The following ALK variants were observed in gnomAD, a reference collection of about 807,000 sequenced individuals.
The protein encoded by ALK is ALK receptor tyrosine kinase.
ALK carries 74 observed loss-of-function variants against 163.1 expected under a neutral mutation model. The ratio of observed to expected loss-of-function variants is 0.45; its 90% CI spans 0.38 to 0.55. The LOEUF (loss-of-function observed/expected upper bound fraction) is 0.55, where lower values mean the gene tolerates loss of function less well. ALK is among the 20% of genes least tolerant of loss of function. The pLI is 0.00. For synonymous variants in ALK, 960 were observed against 843.2 expected, an observed-to-expected ratio of 1.14 and a Z score of -2.40; for missense variants, 2,063 against 2,105.3, an observed-to-expected ratio of 0.98 and a Z score of 0.39.
intron 4 of ALK, among the ~76,000 whole-genome samples, chr2:29,409,416 T>C (rs979887922): frequency 7.9e-5 from 12 of 152,192 alleles, no homozygotes; most frequent in African/African-American, 2.9e-4. Context: ...GCTCCTGCTC[T>C]GGTCAGGCTC....
chr2:29,767,424 G>T (rs1451566567), intron 1 of ALK, among the ~76,000 whole-genome samples: 2 of 152,146 alleles, frequency 1.3e-5, no homozygotes, highest in Non-Finnish European at 2.9e-5. Flanking sequence ...TTTTAAAAAT[G>T]AAAAATCTCA....
chr2:29,237,260 A>C (rs775481107), intron 13 of ALK, among the ~76,000 whole-genome samples: 3 of 151,998 alleles, frequency 2.0e-5, no homozygotes, highest in Non-Finnish European at 4.4e-5. Context: ...CATTGTCTTG[A>C]CCCTTCCCTT....
At chr2:29,697,816 A>T (rs1451602950) in intron 2 of ALK, among the ~76,000 whole-genome samples, 1 of 152,178 alleles carries the variant, frequency 6.6e-6, no homozygotes, top group African/African-American at 2.4e-5. Flanking sequence ...AATCTCCAAG[A>T]CAATTCTGGT....
chr2:29,379,123 C>A (rs1175770917), intron 5 of ALK, among the ~76,000 whole-genome samples: 2 of 152,178 alleles, frequency 1.3e-5, no homozygotes, highest in African/African-American at 4.8e-5. Flanking sequence ...CCTGCGTGAT[C>A]CTATTGCTCT....
intron 23 of ALK, among the ~76,000 whole-genome samples, chr2:29,220,237 G>C (rs143393846): frequency 6.6e-6 from 1 of 152,092 alleles, no homozygotes; most frequent in African/African-American, 2.4e-5. Context: ...TAGTGAGTGA[G>C]TTCTCATGAG....
intron 3 of ALK, among the ~76,000 whole-genome samples, chr2:29,582,044 C>T (rs1012754521): frequency 6.6e-6 from 1 of 152,170 alleles, no homozygotes; most frequent in Non-Finnish European, 1.5e-5. Context: ...TTTATTGGGC[C>T]TTCACTGTAC....
intron 1 of ALK, among the ~76,000 whole-genome samples, chr2:29,780,425 C>T (rs1681302107): frequency 6.6e-6 from 1 of 152,254 alleles, no homozygotes; most frequent in African/African-American, 2.4e-5. Context: ...TGGCGTGGGC[C>T]TCCCACCTCT....
intron 3 of ALK, among the ~76,000 whole-genome samples, chr2:29,610,651 A>G (rs1675665799): frequency 6.6e-6 from 1 of 152,178 alleles, no homozygotes; most frequent in Admixed American, 6.5e-5. Context: ...AACTGACAAG[A>G]TCATAGCTCT....
intron 3 of ALK, among the ~76,000 whole-genome samples, chr2:29,622,594 A>G (rs1474457535): frequency 6.6e-6 from 1 of 152,160 alleles, no homozygotes; most frequent in African/African-American, 2.4e-5. Context: ...CATATTAAGC[A>G]GCTTTGAAAA....
intron 3 of ALK, among the ~76,000 whole-genome samples, chr2:29,669,751 T>C (rs1327437817): frequency 6.6e-6 from 1 of 152,058 alleles, no homozygotes; most frequent in African/African-American, 2.4e-5. Context: ...TTTTAGTGAT[T>C]CTACTATAGG....
At chr2:29,497,199 G>C (rs542088416) in intron 4 of ALK, among the ~76,000 whole-genome samples, 1 of 152,112 alleles carries the variant, frequency 6.6e-6, no homozygotes, top group Non-Finnish European at 1.5e-5. Flanking sequence ...TTGAACCTGG[G>C]AGACGGAGGT....
At chr2:29,407,109 C>A (rs4436917) in intron 4 of ALK, among the ~76,000 whole-genome samples, 57,304 of 151,924 alleles carry the variant, frequency 0.38, 11,334 homozygotes, top group Middle Eastern at 0.44. Context: ...AGTCCTGGAC[C>A]GGTAGACCTG....
intron 1 of ALK, among the ~76,000 whole-genome samples, chr2:29,731,888 C>T (rs1191259211): frequency 6.6e-6 from 1 of 152,202 alleles, no homozygotes; most frequent in East Asian, 1.9e-4. Flanking sequence ...TTGGGAGGTT[C>T]TGTCAGTGAC....
chr2:29,439,947 T>C (rs1670494662), intron 4 of ALK, among the ~76,000 whole-genome samples: 1 of 152,108 alleles, frequency 6.6e-6, no homozygotes, highest in Admixed American at 6.5e-5. Context: ...AATACACATC[T>C]TTGGCCGGGC....
At chr2:29,241,772 C>T (rs1021230655) in intron 12 of ALK, among the ~76,000 whole-genome samples, 5 of 152,086 alleles carry the variant, frequency 3.3e-5, no homozygotes, top group East Asian at 3.9e-4. Context: ...CACAGGCACA[C>T]GGCATCACCC....
intron 2 of ALK, among the ~76,000 whole-genome samples, chr2:29,707,030 T>TGTGG (rs70962235): frequency 3.1e-5 from 4 of 128,058 alleles, no homozygotes; most frequent in Admixed American, 8.0e-5. Context: ...TGTGTGTGTG[T>TGTGG]TGGGTAAGGA....
Position 29,713,078 on chromosome 2 carries a change from C to T in ALK, c.787+4500G>A, listed in dbSNP as rs142570275. On this transcript the variant is annotated intron_variant, in intron 2 of 28. Coordinates refer to ENST00000389048, the MANE Select transcript of ALK (RefSeq NM_004304.5). ...CACTAAAGAAGGATTTGTTCCAGGC[C>T]TTCCTCTTAGCTCCCAATGCTGCCC... is the stretch of plus-strand genomic sequence containing the variant. Among the ~76,000 whole-genome samples, 1,230 of 152,320 alleles carry T rather than the reference C, an allele frequency of 8.1e-3. 15 individuals carry two copies. The highest frequency in any genetic ancestry group is 0.044 in the South Asian group (213 of 4,824).
At chr2:29,777,116 G>A (rs1681198458) in intron 1 of ALK, among the ~76,000 whole-genome samples, 1 of 152,190 alleles carries the variant, frequency 6.6e-6, no homozygotes, top group Non-Finnish European at 1.5e-5. Flanking sequence ...AGCTGAGTAT[G>A]TGCTTAGGGA....
rs866144905 is a variant in ALK at position 29,368,491 on chromosome 2, T to A, written c.1282+15241A>T. Among the ~76,000 whole-genome samples, 24 of 152,182 alleles carry A rather than the reference T, an allele frequency of 1.6e-4. 1 individual carries two copies. The highest frequency in any genetic ancestry group is 5.8e-4 in the African/African-American group (24 of 41,432). ...AAAATTTTCAAAAATCCAAAGAATT[T>A]GAATTCTCTAGTAAAGTCTCCTGCC... On this transcript the variant is annotated intron_variant, in intron 5 of 28. Transcript: ENST00000389048.
Sources: allele counts gnomAD v4.1 joint callset (sites outside exome capture counted in the v4.1 genomes callset), GRCh38; gene constraint gnomAD v4.1.1; transcripts MANE v1.5; gene names NCBI Gene and HGNC (gene_info 2026-07-23, HGNC 2026-07-21).